CREB5: variants seen among roughly 807,000 people sequenced by gnomAD.
CREB5 encodes the protein cAMP responsive element binding protein 5.
Under a neutral mutation model 57.1 loss-of-function variants are expected in CREB5, and 19 were observed. The observed-to-expected ratio is 0.33, with a 90% CI of 0.23 to 0.49. The LOEUF is 0.49. CREB5 is among the 20% of genes least tolerant of loss of function. The pLI, the probability that CREB5 is intolerant of heterozygous loss-of-function variation, is 0.99. For missense variants in CREB5, 579 were observed against 671.6 expected (o/e 0.86, Z 1.52); for synonymous variants, 238 against 238.3 (o/e 1.00, Z 0.01).
chr7:28,414,419 T>C (rs531633766), intron 1 of CREB5, among the ~76,000 whole-genome samples: 2 of 152,170 alleles, frequency 1.3e-5, no homozygotes, highest in Non-Finnish European at 2.9e-5. Flanking sequence ...TTTAAAAATT[T>C]AAATCTATGA....
chr7:28,791,531 C>T (rs957370197), intron 7 of CREB5, among the ~76,000 whole-genome samples: 2 of 152,210 alleles, frequency 1.3e-5, no homozygotes, highest in African/African-American at 4.8e-5. Flanking sequence ...AACATTTCTT[C>T]ACAGGAATTT....
chr7:28,654,995 C>T (rs1056399614), intron 5 of CREB5, among the ~76,000 whole-genome samples: 5 of 152,062 alleles, frequency 3.3e-5, no homozygotes, highest in Admixed American at 6.5e-5. Context: ...ACTGCAGCCT[C>T]GACCTCCTGA....
At chr7:28,599,794 T>A (rs310357) in intron 5 of CREB5, among the ~76,000 whole-genome samples, 150,674 of 152,108 alleles carry the variant, frequency 0.99, 74,648 homozygotes, top group Middle Eastern at 1. Flanking sequence ...CCTCTCATCA[T>A]CACGTTGTCC....
At chr7:28,653,172 A>G (rs1799210773) in intron 5 of CREB5, among the ~76,000 whole-genome samples, 1 of 152,236 alleles carries the variant, frequency 6.6e-6, no homozygotes, top group Admixed American at 6.5e-5. Context: ...GTGAGACACC[A>G]ACTCTTATTC....
At chr7:28,420,916 T>C (rs1430894320) in intron 1 of CREB5, among the ~76,000 whole-genome samples, 1 of 151,966 alleles carries the variant, frequency 6.6e-6, no homozygotes, top group Admixed American at 6.6e-5. Context: ...ATTCCCCAGA[T>C]GGGGGAAAAT....
At chr7:28,734,017 C>A (rs1803819160) in intron 7 of CREB5, among the ~76,000 whole-genome samples, 1 of 151,978 alleles carries the variant, frequency 6.6e-6, no homozygotes, top group African/African-American at 2.4e-5. Flanking sequence ...ACCCAAAATT[C>A]CCCAGATATC....
intron 4 of CREB5, among the ~76,000 whole-genome samples, chr7:28,519,176 C>T (rs1312058223): frequency 3.3e-5 from 5 of 152,164 alleles, no homozygotes; most frequent in Non-Finnish European, 5.9e-5. Context: ...CTTTTTCCTG[C>T]ATGTCAGCAG....
intron 2 of CREB5, among the ~76,000 whole-genome samples, chr7:28,492,211 G>T (rs899896471): frequency 2.6e-5 from 4 of 152,184 alleles, no homozygotes; most frequent in African/African-American, 7.2e-5. Flanking sequence ...TGTTGGCCAG[G>T]CTGGTCTCGA....
chr7:28,741,051 G>A (rs1804302470), intron 7 of CREB5, among the ~76,000 whole-genome samples: 1 of 149,256 alleles, frequency 6.7e-6, no homozygotes, highest in Non-Finnish European at 1.5e-5. Flanking sequence ...CTTGACTAAA[G>A]GTTGTTGAGT....
At chr7:28,659,611 T>G (rs1446270023) in intron 5 of CREB5, among the ~76,000 whole-genome samples, 1 of 152,168 alleles carries the variant, frequency 6.6e-6, no homozygotes, top group Non-Finnish European at 1.5e-5. Flanking sequence ...TTACAATTAT[T>G]TTTAGTTTTT....
chr7:28,810,704 A>ATAAG (rs1365411722), intron 9 of CREB5, among the ~76,000 whole-genome samples: 1 of 151,318 alleles, frequency 6.6e-6, no homozygotes, highest in African/African-American at 2.4e-5. Flanking sequence ...AAAAAAATAA[A>ATAAG]TAAAAAGAGT....
At chr7:28,400,607 A>T (rs1787440195) in intron 1 of CREB5, among the ~76,000 whole-genome samples, 2 of 152,194 alleles carry the variant, frequency 1.3e-5, no homozygotes, top group African/African-American at 4.8e-5. Context: ...GGGAAGCTTT[A>T]TATTTTCTGA....
At position 28,799,569 on chromosome 7, in the gene CREB5, G is replaced by A. The variant is rs116681070; in HGVS notation, c.703-4630G>A. Among the ~76,000 whole-genome samples the A allele has an allele frequency of 8.5e-3, 1,291 of 152,290 alleles. 21 individuals are homozygous for A. The highest frequency in any genetic ancestry group is 0.029 in the African/African-American group (1,221 of 41,550). On this transcript the variant is annotated intron_variant, in intron 7 of 10. Coordinates refer to ENST00000357727, the MANE Select transcript of CREB5 (RefSeq NM_182898.4). ...TTGAGAGATGAAGATCTGGTGCATC[G>A]TATTTATTTGTCAGGTTCCATTTGC...
chr7:28,340,233 A>G (rs777847318), intron 1 of CREB5, among the ~76,000 whole-genome samples: 3 of 150,066 alleles, frequency 2.0e-5, no homozygotes, highest in African/African-American at 2.5e-5. Flanking sequence ...CACCACAGTT[A>G]GGAATGTTCT....
chr7:28,748,459 T>C (rs1804795801), intron 7 of CREB5, among the ~76,000 whole-genome samples: 1 of 152,184 alleles, frequency 6.6e-6, no homozygotes, highest in South Asian at 2.1e-4. Context: ...GCATTCTAAG[T>C]GTGATCCTGC....
intron 1 of CREB5, 83 bp downstream of exon 1, chr7:28,413,000 G>C: frequency 8.1e-7 from 1 of 1,240,588 alleles, no homozygotes; most frequent in Admixed American, 2.7e-5. Context: ...TATTTTCATA[G>C]ATGGAATTCA....
chr7:28,557,637 T>C (rs1291778913), intron 4 of CREB5, among the ~76,000 whole-genome samples: 1 of 152,136 alleles, frequency 6.6e-6, no homozygotes, highest in Non-Finnish European at 1.5e-5. Flanking sequence ...TCTGATCAAG[T>C]GGTCAGGCCT....
chr7:28,458,842 G>A (rs1178980044), intron 1 of CREB5, among the ~76,000 whole-genome samples: 1 of 152,214 alleles, frequency 6.6e-6, no homozygotes, highest in Non-Finnish European at 1.5e-5. Context: ...AGTGGGCCTT[G>A]GAAATGGCAG....
At chr7:28,417,064 A>G (rs1353404286) in intron 1 of CREB5, among the ~76,000 whole-genome samples, 1 of 152,202 alleles carries the variant, frequency 6.6e-6, no homozygotes, top group East Asian at 1.9e-4. Context: ...GGAGGGACGC[A>G]ATTCCCAGAG....
Sources: gnomAD v4.1 joint callset for allele counts (sites outside exome capture counted in the v4.1 genomes callset) on GRCh38, gnomAD v4.1.1 for gene constraint, MANE v1.5 for transcripts, NCBI Gene and HGNC (gene_info 2026-07-23, HGNC 2026-07-21) for gene names.